GDA: variants seen among roughly 807,000 people sequenced by gnomAD.
GDA encodes the protein guanine deaminase.
Under a neutral mutation model 59.6 loss-of-function variants are expected in GDA, and 18 were observed. The observed-to-expected ratio is 0.30, with a 90% CI of 0.21 to 0.45. The LOEUF (loss-of-function observed/expected upper bound fraction) is 0.45. GDA is among the 20% of genes least tolerant of loss of function. The pLI, the probability that GDA is intolerant of heterozygous loss-of-function variation, is 1.00. For synonymous variants in GDA, 201 were observed against 201.1 expected, an observed-to-expected ratio of 1.00 and a Z score of 0.00; for missense variants, 427 against 552.3, an observed-to-expected ratio of 0.77 and a Z score of 2.27.
chr9:72,249,807 G>A lies in GDA; in HGVS notation c.*1465G>A, dbSNP rs1349940398. 3 of 884,226 alleles carry A rather than the reference G, an allele frequency of 3.4e-6. No homozygotes were observed. 54.8% of individuals were successfully genotyped at this position (884,226 alleles called of 1,614,324 possible). On this transcript the variant is annotated 3_prime_UTR_variant, in exon 14 of 14. Coordinates refer to ENST00000358399, the MANE Select transcript of GDA (RefSeq NM_004293.5). ...TATTACCTTATAGTAGAAACTTTAT[G>A]TAATATAGCTAACTCCGTATTTACA... is the stretch of plus-strand genomic sequence containing the variant.
At chr9:72,206,387 A>G (rs1834708323) in intron 3 of GDA, among the ~76,000 whole-genome samples, 1 of 151,866 alleles carries the variant, frequency 6.6e-6, no homozygotes, top group South Asian at 2.1e-4. Flanking sequence ...TGCCGTGTAT[A>G]CTATATTTAA....
chr9:72,167,414 C>T (rs569884874), intron 1 of GDA, among the ~76,000 whole-genome samples: 1 of 152,068 alleles, frequency 6.6e-6, no homozygotes, highest in Non-Finnish European at 1.5e-5. Flanking sequence ...AGTGGTGTTT[C>T]GGTAACAACT....
At chr9:72,238,108 C>G (rs965346167) in intron 10 of GDA, among the ~76,000 whole-genome samples, 5 of 152,220 alleles carry the variant, frequency 3.3e-5, no homozygotes, top group African/African-American at 1.2e-4. Context: ...GGTTTGACAC[C>G]CATCCACTGC....
chr9:72,253,787 A>G (rs1044995118), downstream of GDA, among the ~76,000 whole-genome samples: 37 of 152,176 alleles, frequency 2.4e-4, no homozygotes, highest in African/African-American at 8.4e-4. Flanking sequence ...ATTACAACAG[A>G]TAATATATAA....
At chr9:72,216,874 A>G (rs1836200899) in intron 5 of GDA, among the ~76,000 whole-genome samples, 1 of 152,010 alleles carries the variant, frequency 6.6e-6, no homozygotes, top group South Asian at 2.1e-4. Context: ...ACAGGGTTTC[A>G]CTGTGTTAGC....
At chr9:72,233,185 T>A (rs1019785364) in intron 10 of GDA, among the ~76,000 whole-genome samples, 7 of 152,168 alleles carry the variant, frequency 4.6e-5, no homozygotes, top group Admixed American at 6.5e-5. Context: ...AGAGAGCAAG[T>A]CCAAGAGCAA....
chr9:72,236,698 CCTT>C (rs1839032612), intron 10 of GDA, among the ~76,000 whole-genome samples: 1 of 152,276 alleles, frequency 6.6e-6, no homozygotes, highest in South Asian at 2.1e-4. Flanking sequence ...ATCAGTGTCT[CCTT>C]CCTGCTGGAT....
At chr9:72,201,810 C>T (rs1383563430) in intron 2 of GDA, among the ~76,000 whole-genome samples, 2 of 152,120 alleles carry the variant, frequency 1.3e-5, no homozygotes, top group South Asian at 2.1e-4. Context: ...TGCCTCTGAA[C>T]ACTTTCCAGG....
At position 72,251,045 on chromosome 9, in the gene GDA, A is replaced by C. The variant is rs1840628295; in HGVS notation, c.*2703A>C. 1 of 522,850 alleles carries C rather than the reference A, an allele frequency of 1.9e-6. No homozygotes were observed. Among genetic ancestry groups the C allele is most frequent in the South Asian group, 2.3e-5 (1 of 43,598 alleles). 32.4% of individuals were successfully genotyped at this position (522,850 alleles called of 1,614,324 possible). The stretch of plus-strand genomic sequence containing the variant: ...ATTTATTCTCTTGGCTGGTTCTCTC[A>C]TTGAATTATCAGACCCCAAGAGGAG... On this transcript the variant is annotated 3_prime_UTR_variant, in exon 14 of 14. Coordinates refer to ENST00000358399, the MANE Select transcript of GDA (RefSeq NM_004293.5).
intron 7 of GDA, among the ~76,000 whole-genome samples, chr9:72,224,736 T>TGGCA (rs1451308853): frequency 6.6e-6 from 1 of 151,852 alleles, no homozygotes; most frequent in African/African-American, 2.4e-5. Context: ...ATATATTGGG[T>TGGCA]TTCTGTGAAT....
chr9:72,171,064 G>A (rs57904249), intron 1 of GDA, among the ~76,000 whole-genome samples: 28,257 of 151,920 alleles, frequency 0.19, 2,976 homozygotes, highest in African/African-American at 0.3. Flanking sequence ...CAGTCCTCCC[G>A]CTTCAGCCTC....
chr9:72,237,388 G>A (rs4347048), intron 10 of GDA, among the ~76,000 whole-genome samples: 149,784 of 152,322 alleles, frequency 0.98, 73,691 homozygotes, highest in East Asian at 1. Context: ...CATTGTCCAA[G>A]TAATCTTATC....
rs374722288 is a variant in GDA at position 72,134,547 on chromosome 9, G to A, written c.-100+19714G>A. Among the ~76,000 whole-genome samples, 257 of 151,934 alleles carry A rather than the reference G, an allele frequency of 1.7e-3. 2 individuals carry two copies. Among genetic ancestry groups the A allele is most frequent in the Middle Eastern group, 0.01 (3 of 294 alleles). ...CACATGAGTAGCTGGGATTACAGGC[G>A]CCCACCACCATGCCCAGCTATTTTT... On this transcript the variant is annotated intron_variant, in intron 1 of 13. Coordinates refer to the GDA transcript ENST00000545168.
chr9:72,187,735 A>G (rs1832029714), intron 1 of GDA, among the ~76,000 whole-genome samples: 1 of 152,230 alleles, frequency 6.6e-6, no homozygotes, highest in East Asian at 1.9e-4. Flanking sequence ...GTGAAGGCTC[A>G]GAAGAAGAGA....
intron 1 of GDA, among the ~76,000 whole-genome samples, chr9:72,192,922 A>G (rs1832731641): frequency 6.6e-6 from 1 of 152,076 alleles, no homozygotes; most frequent in African/African-American, 2.4e-5. Context: ...AGTCTGATGC[A>G]TTCTTCATTA....
At chr9:72,194,411 G>C (rs1425032762) in intron 1 of GDA, among the ~76,000 whole-genome samples, 1 of 152,108 alleles carries the variant, frequency 6.6e-6, no homozygotes. Context: ...CTGTCAAGGA[G>C]CTAGGGCCTG....
At chr9:72,140,536 A>G (rs1309840334) in intron 1 of GDA, among the ~76,000 whole-genome samples, 3 of 152,072 alleles carry the variant, frequency 2.0e-5, no homozygotes, top group Non-Finnish European at 4.4e-5. Context: ...TCCCATTTAG[A>G]CTGCAGAGTT....
At chr9:72,159,391 C>T (rs1383119212) in intron 1 of GDA, among the ~76,000 whole-genome samples, 1 of 151,576 alleles carries the variant, frequency 6.6e-6, no homozygotes, top group African/African-American at 2.4e-5. Flanking sequence ...GAGACTCCGT[C>T]TCAAAAAAAG....
chr9:72,150,582 G>A (rs1827085141), intron 1 of GDA, among the ~76,000 whole-genome samples: 1 of 152,104 alleles, frequency 6.6e-6, no homozygotes, highest in Non-Finnish European at 1.5e-5. Context: ...ACAAAAAAAT[G>A]ATAAAATAAA....
Sources: gnomAD v4.1 joint callset for allele counts (sites outside exome capture counted in the v4.1 genomes callset) on GRCh38, gnomAD v4.1.1 for gene constraint, MANE v1.5 for transcripts, NCBI Gene and HGNC (gene_info 2026-07-23, HGNC 2026-07-21) for gene names.